Variants in MIB1 observed in about 807,000 individuals in gnomAD.
MIB1 encodes MIB E3 ubiquitin protein ligase 1.
Under a neutral mutation model 124.5 loss-of-function variants are expected in MIB1, and 278 were observed. The observed-to-expected ratio is 2.23, with a 90% CI of 2.02 to 2.47. MIB1 has a LOEUF of 2.47. MIB1 is among the 30% of genes most tolerant of loss of function. The probability of loss-of-function intolerance (pLI) is 0.00; values close to 1 mark genes in which losing one functional copy is unlikely to be tolerated. For missense variants in MIB1, 957 were observed against 1,254.4 expected, an observed-to-expected ratio of 0.76 and a Z score of 3.58; for synonymous variants, 446 against 429.4, an observed-to-expected ratio of 1.04 and a Z score of -0.48.
intron 2 of MIB1, among the ~76,000 whole-genome samples, chr18:21,767,144 T>C (rs1358692542): frequency 2.0e-5 from 3 of 152,182 alleles, no homozygotes; most frequent in Non-Finnish European, 4.4e-5. Flanking sequence ...ATACATATAT[T>C]AATCCCTTTT....
At chr18:21,824,045 G>A (rs533335165) in intron 12 of MIB1, among the ~76,000 whole-genome samples, 11 of 152,220 alleles carry the variant, frequency 7.2e-5, no homozygotes, top group African/African-American at 2.4e-4. Flanking sequence ...AAATTAGTCA[G>A]CAGTATTCTC....
intron 5 of MIB1, among the ~76,000 whole-genome samples, chr18:21,778,518 C>A (rs1017548772): frequency 6.6e-6 from 1 of 151,880 alleles, no homozygotes; most frequent in Non-Finnish European, 1.5e-5. Flanking sequence ...TTAAAAATTC[C>A]TTAGAATTTT....
rs965792529 is a variant in MIB1, at chr18:21,741,851, G to C, written c.229+39G>C. 3.3e-6 allele frequency: 5 copies of C among 1,513,790 alleles called. No individual in the cohort carries two copies. In the Admixed American group the frequency reaches 8.1e-5, roughly 25 times the overall value. The allele number at this position is 1,513,790 out of a possible 1,614,324, so 93.8% of individuals were successfully genotyped here. A position where few individuals can be genotyped will look rare whatever the true frequency, so the allele number is the denominator to read the frequency against. ...ACCTGGCCAGGGCTTGCGCGCGCGG[G>C]GGGAAGGGGCGAGCTGCGGTGGGCG... On this transcript the variant is annotated intron_variant, in intron 1 of 20. Transcript: ENST00000261537. The surrounding 1 kb of genome is among the most constrained non-coding windows in gnomAD (Gnocchi z 5.4).
intron 1 of MIB1, among the ~76,000 whole-genome samples, chr18:21,758,261 A>T (rs1417195370): frequency 2.0e-5 from 3 of 152,236 alleles, no homozygotes; most frequent in Non-Finnish European, 4.4e-5. Context: ...TGTGGACTTT[A>T]CCAACCAGCT....
intron 1 of MIB1, among the ~76,000 whole-genome samples, chr18:21,712,343 T>C (rs540281241): frequency 6.6e-6 from 1 of 152,306 alleles, no homozygotes; most frequent in African/African-American, 2.4e-5. Context: ...GCCCTTCTCC[T>C]GGAGTGTGTA....
intron 17 of MIB1, among the ~76,000 whole-genome samples, chr18:21,850,098 C>T (rs1314030408): frequency 6.6e-6 from 1 of 152,100 alleles, no homozygotes; most frequent in Non-Finnish European, 1.5e-5. Context: ...AACTTTTTCT[C>T]TCTCCTGACT....
chr18:21,851,451 A>G (rs909874767), intron 17 of MIB1, among the ~76,000 whole-genome samples: 2 of 152,166 alleles, frequency 1.3e-5, no homozygotes, highest in African/African-American at 4.8e-5. Context: ...GAAAAGTAGA[A>G]AAACTACGGA....
At chr18:21,719,423 A>G (rs2040704168) in intron 1 of MIB1, among the ~76,000 whole-genome samples, 2 of 152,108 alleles carry the variant, frequency 1.3e-5, no homozygotes, top group African/African-American at 4.8e-5. Context: ...GATGGGAAGT[A>G]TTAAAAATCT....
At position 21,870,777 on chromosome 18, in the gene MIB1, CTT is replaced by C. The variant is rs1011122699; in HGVS notation, c.*6114_*6115del. 6.6e-6 allele frequency: 1 copy of C among 151,954 alleles called. No individual in the cohort carries two copies. The highest frequency in any genetic ancestry group is 2.4e-5 in the African/African-American group (1 of 41,374). 9.4% of individuals were successfully genotyped at this position (151,954 alleles called of 1,614,324 possible). A position where few individuals can be genotyped will look rare whatever the true frequency, so the allele number is the denominator to read the frequency against. ...AGAGGAAAAACATCTGAAAAAATAT[CTT>C]TTGTTTATTTGAAAAAAGCATATAT... is the stretch of plus-strand genomic sequence containing the variant. On this transcript the variant is annotated 3_prime_UTR_variant, in exon 21 of 21. Coordinates refer to ENST00000261537, the MANE Select transcript of MIB1 (RefSeq NM_020774.4).
intron 1 of MIB1, among the ~76,000 whole-genome samples, chr18:21,755,848 G>A (rs751701860): frequency 6.6e-6 from 1 of 152,256 alleles, no homozygotes; most frequent in Non-Finnish European, 1.5e-5. Flanking sequence ...GCACACTTAC[G>A]ATAAGAGTAT....
intron 10 of MIB1, among the ~76,000 whole-genome samples, chr18:21,810,743 T>C (rs574171476): frequency 1.3e-5 from 2 of 151,624 alleles, no homozygotes; most frequent in African/African-American, 4.8e-5. Flanking sequence ...TCAAAATACC[T>C]GAAAGATCTA....
intron 13 of MIB1, among the ~76,000 whole-genome samples, chr18:21,842,391 CAT>C (rs2042099246): frequency 6.6e-6 from 1 of 152,100 alleles, no homozygotes; most frequent in Non-Finnish European, 1.5e-5. Context: ...TAGGCATTTT[CAT>C]ATGTTATTTT....
At chr18:21,783,281 C>T (rs567900795) in intron 6 of MIB1, among the ~76,000 whole-genome samples, 56 of 151,156 alleles carry the variant, frequency 3.7e-4, no homozygotes, top group African/African-American at 1.2e-3. Context: ...CTTACTCTGT[C>T]GCCCAGGCTG....
chr18:21,831,691 G>A (rs1178492026), intron 12 of MIB1, among the ~76,000 whole-genome samples: 3 of 151,570 alleles, frequency 2.0e-5, no homozygotes, highest in Non-Finnish European at 4.4e-5. Flanking sequence ...CAAATAAAGC[G>A]GTCTCTCATG....
intron 18 of MIB1, among the ~76,000 whole-genome samples, chr18:21,853,972 C>G (rs2042203273): frequency 1.5e-5 from 2 of 137,218 alleles, no homozygotes; most frequent in Non-Finnish European, 3.0e-5. Flanking sequence ...TCAAGTGATT[C>G]TCGTGTCCTC....
intron 7 of MIB1, chr18:21,793,863 A>G (rs2041540834): frequency 6.7e-6 from 1 of 150,276 alleles, no homozygotes; most frequent in African/African-American, 2.4e-5. Flanking sequence ...GTACTTTTAT[A>G]ATTTAAAATG....
chr18:21,727,222 G>C (rs1186519873), intron 1 of MIB1, among the ~76,000 whole-genome samples: 1 of 151,374 alleles, frequency 6.6e-6, no homozygotes. Context: ...TGATTCTCCT[G>C]CCTCAGCCTC....
At chr18:21,807,783 G>C (rs2041725678) in intron 10 of MIB1, among the ~76,000 whole-genome samples, 1 of 152,154 alleles carries the variant, frequency 6.6e-6, no homozygotes, top group African/African-American at 2.4e-5. Flanking sequence ...ACTTAGATTT[G>C]TCATTCATAA....
chr18:21,750,489 C>T (rs532350553), intron 1 of MIB1, among the ~76,000 whole-genome samples: 80 of 152,074 alleles, frequency 5.3e-4, no homozygotes, highest in Non-Finnish European at 8.1e-4. Context: ...CACCATGCCC[C>T]GCTAACTTTT....
Sources: allele counts gnomAD v4.1 joint callset (sites outside exome capture counted in the v4.1 genomes callset), GRCh38; gene constraint gnomAD v4.1.1; non-coding constraint Gnocchi (gnomAD v3.1); transcripts MANE v1.5; gene names NCBI Gene and HGNC (gene_info 2026-07-23, HGNC 2026-07-21).